Variants in CLVS1 observed in about 807,000 individuals in gnomAD.
CLVS1 encodes clavesin-1.
CLVS1 carries 10 observed loss-of-function variants against 33.1 expected under a neutral mutation model. The observed-to-expected ratio is 0.30, with a 90% CI of 0.19 to 0.51. The LOEUF is 0.51. Ranked by LOEUF, CLVS1 falls within the 20% of genes least tolerant of loss-of-function variation. CLVS1 has a pLI of 0.97. For missense variants in CLVS1, 343 were observed against 433.4 expected (o/e 0.79, Z 1.85); for synonymous variants, 163 against 166.1 (o/e 0.98, Z 0.14).
chr8:61,335,891 G>C (rs1392949627), intron 2 of CLVS1, among the ~76,000 whole-genome samples: 1 of 152,194 alleles, frequency 6.6e-6, no homozygotes, highest in Admixed American at 6.5e-5. Context: ...TTCCTTGCTG[G>C]AGGAAAACCT....
intron 2 of CLVS1, among the ~76,000 whole-genome samples, chr8:61,326,177 T>C (rs138746211): frequency 9.8e-4 from 150 of 152,338 alleles, no homozygotes; most frequent in African/African-American, 3.2e-3. Flanking sequence ...TTTAAGTCTT[T>C]GTTACAACAA....
Position 61,306,273 on chromosome 8 carries a change from T to C in CLVS1, c.455+5991T>C, listed in dbSNP as rs376078938. ...ACCTCACTGTGGTTTTGATTTGCAT[T>C]TCTCTAATGATCAGTGATGTTGAGC... On this transcript the variant is annotated intron_variant, in intron 2 of 5. Transcript: ENST00000325897. Among the ~76,000 whole-genome samples the C allele has an allele frequency of 5.3e-5, 8 of 152,366 alleles. No homozygotes were observed. The East Asian group carries it at 5.8e-4, about 11-fold the overall frequency.
chr8:61,179,046 A>T (rs1166109567), intron 2 of CLVS1, among the ~76,000 whole-genome samples: 2 of 152,162 alleles, frequency 1.3e-5, no homozygotes, highest in African/African-American at 4.8e-5. Context: ...AAAGAGAAAG[A>T]CTGGCAAATT....
chr8:61,476,173 A>G (rs1435832932), intron 5 of CLVS1, among the ~76,000 whole-genome samples: 6 of 152,236 alleles, frequency 3.9e-5, no homozygotes, highest in Admixed American at 2.0e-4. Context: ...TTTTGGTACC[A>G]GGACCATGCT....
chr8:61,092,400 G>A (rs1357788029), intron 1 of CLVS1, among the ~76,000 whole-genome samples: 1 of 152,184 alleles, frequency 6.6e-6, no homozygotes, highest in Non-Finnish European at 1.5e-5. Flanking sequence ...AAGAGGTGGA[G>A]CGTTCATCAT....
chr8:61,140,550 T>G (rs1002126696), intron 2 of CLVS1, among the ~76,000 whole-genome samples: 4 of 152,036 alleles, frequency 2.6e-5, no homozygotes, highest in Non-Finnish European at 5.9e-5. Flanking sequence ...TTTATTATTT[T>G]ATTTTATTTT....
At chr8:61,215,827 A>C (rs777980401) in intron 2 of CLVS1, among the ~76,000 whole-genome samples, 10 of 152,076 alleles carry the variant, frequency 6.6e-5, no homozygotes, top group Non-Finnish European at 1.3e-4. Context: ...GTTGTTTTCC[A>C]GACCGAGTGC....
upstream of CLVS1, among the ~76,000 whole-genome samples, chr8:61,285,788 C>T (rs60622595): frequency 2.5e-3 from 387 of 152,074 alleles, 3 homozygotes; most frequent in African/African-American, 9.1e-3. Context: ...CAGAGAAATA[C>T]CTATATTTAT....
chr8:61,137,246 G>T (rs2129292309), intron 2 of CLVS1, among the ~76,000 whole-genome samples: 1 of 152,306 alleles, frequency 6.6e-6, no homozygotes, highest in African/African-American at 2.4e-5. Flanking sequence ...TTCCTCAGAG[G>T]TAGGAGGTGA....
intron 2 of CLVS1, among the ~76,000 whole-genome samples, chr8:61,187,215 A>G (rs1374815830): frequency 2.6e-5 from 4 of 152,206 alleles, no homozygotes; most frequent in Non-Finnish European, 4.4e-5. Flanking sequence ...TCATAAAGAC[A>G]GAAATTAATT....
At chr8:61,183,525 G>A (rs906115666) in intron 2 of CLVS1, among the ~76,000 whole-genome samples, 14 of 151,924 alleles carry the variant, frequency 9.2e-5, no homozygotes, top group South Asian at 4.2e-4. Flanking sequence ...TCCTGAGAGC[G>A]GAGGTGAATA....
chr8:61,254,272 C>T (rs1472599099), intron 2 of CLVS1, among the ~76,000 whole-genome samples: 1 of 152,194 alleles, frequency 6.6e-6, no homozygotes, highest in Non-Finnish European at 1.5e-5. Flanking sequence ...CCTGATCTTT[C>T]CTCTGGAAGT....
chr8:61,051,476 C>G, the CLVS1 span, among the ~76,000 whole-genome samples: 3 of 152,232 alleles, frequency 2.0e-5, no homozygotes, highest in Non-Finnish European at 4.4e-5. Flanking sequence ...GCACCAGGTT[C>G]CCCTTGGGGA....
chr8:61,290,155 A>C (rs1263223004), intron 1 of CLVS1, among the ~76,000 whole-genome samples: 1 of 152,244 alleles, frequency 6.6e-6, no homozygotes, highest in Admixed American at 6.5e-5. Context: ...CCAGGAATCC[A>C]GTGCCTCTAG....
chr8:61,439,678 A>G (rs962633878), intron 3 of CLVS1, among the ~76,000 whole-genome samples: 4 of 152,218 alleles, frequency 2.6e-5, no homozygotes, highest in African/African-American at 9.6e-5. Flanking sequence ...GATAACTGTA[A>G]TCAGTATGTT....
chr8:61,187,789 T>C (rs949517781), intron 2 of CLVS1, among the ~76,000 whole-genome samples: 3 of 149,788 alleles, frequency 2.0e-5, no homozygotes, highest in Admixed American at 6.7e-5. Flanking sequence ...GATCTATGTA[T>C]AAAATCTTAT....
At chr8:61,009,804 T>C in the CLVS1 span, among the ~76,000 whole-genome samples, 3 of 152,242 alleles carry the variant, frequency 2.0e-5, no homozygotes, top group Admixed American at 6.5e-5. Flanking sequence ...CAACGCTGGC[T>C]TGTGTTCTCT....
intron 3 of CLVS1, among the ~76,000 whole-genome samples, chr8:61,392,733 G>A (rs113945900): frequency 0.021 from 3,105 of 151,322 alleles, 89 homozygotes; most frequent in African/African-American, 0.07. Flanking sequence ...GGTGCCACAC[G>A]GCTGTAATCC....
At chr8:61,195,418 C>T (rs954899929) in intron 2 of CLVS1, among the ~76,000 whole-genome samples, 6 of 151,898 alleles carry the variant, frequency 4.0e-5, no homozygotes, top group Admixed American at 3.3e-4. Flanking sequence ...ATTTTACATA[C>T]TTTTTCTTAC....
Sources: allele counts gnomAD v4.1 joint callset (sites outside exome capture counted in the v4.1 genomes callset), GRCh38; gene constraint gnomAD v4.1.1; transcripts MANE v1.5; gene names NCBI Gene and HGNC (gene_info 2026-07-23, HGNC 2026-07-21).